Variants in CNOT10 observed in about 807,000 individuals in gnomAD.
The protein encoded by CNOT10 is CCR4-NOT transcription complex, subunit 10.
Under a neutral mutation model 94.6 loss-of-function variants are expected in CNOT10, and 30 were observed. The ratio of observed to expected loss-of-function variants is 0.32; its 90% confidence interval spans 0.24 to 0.43. The LOEUF is 0.43. Ranked by LOEUF, CNOT10 falls within the 20% of genes least tolerant of loss-of-function variation. The probability of loss-of-function intolerance (pLI) is 1.00; values close to 1 mark genes in which losing one functional copy is unlikely to be tolerated. For missense variants in CNOT10, 759 were observed against 877.2 expected, an observed-to-expected ratio of 0.87 and a Z score of 1.70; for synonymous variants, 289 against 301.6, an observed-to-expected ratio of 0.96 and a Z score of 0.43.
intron 13 of CNOT10, among the ~76,000 whole-genome samples, chr3:32,746,044 T>G (rs1559507082): frequency 6.6e-6 from 1 of 152,196 alleles, no homozygotes; most frequent in Non-Finnish European, 1.5e-5. Flanking sequence ...TCTCAAAACA[T>G]TTTCCTGTTT....
intron 2 of CNOT10, among the ~76,000 whole-genome samples, chr3:32,704,433 G>A (rs1239748586): frequency 6.6e-6 from 1 of 152,160 alleles, no homozygotes; most frequent in Admixed American, 6.5e-5. Context: ...GTGCATGTAA[G>A]CAGAAGAACT....
intron 9 of CNOT10, among the ~76,000 whole-genome samples, chr3:32,726,483 A>G (rs1213274452): frequency 6.6e-6 from 1 of 152,044 alleles, no homozygotes; most frequent in Non-Finnish European, 1.5e-5. Context: ...TCACGAGGTC[A>G]GGAGATCGAG....
At chr3:32,689,225 C>T (rs1696751815) in intron 1 of CNOT10, among the ~76,000 whole-genome samples, 1 of 151,940 alleles carries the variant, frequency 6.6e-6, no homozygotes, top group East Asian at 1.9e-4. Context: ...TGGTGGCAGA[C>T]GCCTGTATTC....
chr3:32,752,891 A>G (rs944773437), intron 13 of CNOT10: 14 of 354,310 alleles, frequency 4.0e-5, no homozygotes, highest in African/African-American at 3.0e-4. Context: ...CTCCGGCGGC[A>G]GCAGCAGTGA....
intron 1 of CNOT10, among the ~76,000 whole-genome samples, chr3:32,700,189 T>G (rs1256654636): frequency 2.6e-5 from 4 of 152,142 alleles, no homozygotes; most frequent in African/African-American, 7.2e-5. Flanking sequence ...TTGTCCAGGC[T>G]GGTCTTGAAC....
At chr3:32,727,288 G>A (rs1021026519) in intron 9 of CNOT10, among the ~76,000 whole-genome samples, 8 of 152,080 alleles carry the variant, frequency 5.3e-5, no homozygotes, top group African/African-American at 1.9e-4. Flanking sequence ...GGGCAACATA[G>A]TGAGACCCCC....
chr3:32,708,177 C>A (rs1697711779), intron 3 of CNOT10, among the ~76,000 whole-genome samples: 1 of 152,136 alleles, frequency 6.6e-6, no homozygotes, highest in African/African-American at 2.4e-5. Flanking sequence ...GGATTACAGG[C>A]ATGAGCTGCC....
At chr3:32,719,080 C>G (rs1300376615) in intron 7 of CNOT10, among the ~76,000 whole-genome samples, 4 of 152,128 alleles carry the variant, frequency 2.6e-5, no homozygotes, top group Non-Finnish European at 4.4e-5. Flanking sequence ...GAAACCCCAT[C>G]TCTACTAAAA....
At chr3:32,765,202 C>A in intron 17 of CNOT10, 1 of 317,752 alleles carries the variant, frequency 3.1e-6, no homozygotes, top group South Asian at 2.6e-5. Flanking sequence ...CCTGTAGTCC[C>A]AGCTACTCGG....
intron 3 of CNOT10, among the ~76,000 whole-genome samples, chr3:32,707,630 C>G (rs1278832461): frequency 1.3e-5 from 2 of 151,960 alleles, no homozygotes; most frequent in African/African-American, 4.8e-5. Context: ...ATGGTGAAAC[C>G]CCATCTCTAC....
At chr3:32,739,269 G>C (rs548116337) in intron 13 of CNOT10, among the ~76,000 whole-genome samples, 2 of 152,120 alleles carry the variant, frequency 1.3e-5, no homozygotes, top group Non-Finnish European at 2.9e-5. Context: ...AAGCAATCCT[G>C]CTAGCAATTT....
chr3:32,739,984 T>C (rs1699386448), intron 13 of CNOT10, among the ~76,000 whole-genome samples: 1 of 152,174 alleles, frequency 6.6e-6, no homozygotes, highest in South Asian at 2.1e-4. Context: ...TGGTTCCAGG[T>C]AGCTGGCAGG....
intron 9 of CNOT10, among the ~76,000 whole-genome samples, chr3:32,726,432 C>T (rs1186049367): frequency 3.3e-5 from 5 of 152,012 alleles, no homozygotes; most frequent in Non-Finnish European, 7.4e-5. Context: ...CGGTGGCTCA[C>T]GCCTGTAATC....
chr3:32,740,643 A>G (rs537588704), intron 13 of CNOT10, among the ~76,000 whole-genome samples: 42 of 152,052 alleles, frequency 2.8e-4, no homozygotes, highest in African/African-American at 1.0e-3. Context: ...CGGGTGGATC[A>G]CAAGGTCAGG....
At chr3:32,747,409 G>A (rs1263214355) in intron 13 of CNOT10, among the ~76,000 whole-genome samples, 5 of 152,028 alleles carry the variant, frequency 3.3e-5, no homozygotes, top group Non-Finnish European at 7.3e-5. Context: ...GGCAACAAGA[G>A]TGAAACTCCG....
chr3:32,761,145 T>C lies in CNOT10; in HGVS notation c.1709+1574T>C, dbSNP rs139813490. Among the ~76,000 whole-genome samples the C allele has an allele frequency of 5.0e-3, 768 of 152,090 alleles. 12 individuals are homozygous for C. The highest frequency in any genetic ancestry group is 0.018 in the African/African-American group (739 of 41,508). On this transcript the variant is annotated intron_variant, in intron 14 of 18. Transcript: ENST00000328834. ...CTCCATCTCAAAAAAAAGTAATAAA[T>C]CATTCAACTATATAAGAGACTTTGT... is the stretch of plus-strand genomic sequence containing the variant.
chr3:32,715,517 C>G (rs547476707), intron 5 of CNOT10, among the ~76,000 whole-genome samples: 2 of 152,184 alleles, frequency 1.3e-5, no homozygotes, highest in African/African-American at 4.8e-5. Context: ...CTAGAAAGTT[C>G]AAATTTGATA....
chr3:32,692,144 T>C (rs1696879834), intron 1 of CNOT10, among the ~76,000 whole-genome samples: 1 of 151,946 alleles, frequency 6.6e-6, no homozygotes, highest in South Asian at 2.1e-4. Flanking sequence ...GGTGGATTGC[T>C]TGAACCTAGG....
chr3:32,747,687 C>T (rs960583599), intron 13 of CNOT10, among the ~76,000 whole-genome samples: 13 of 151,948 alleles, frequency 8.6e-5, no homozygotes, highest in Admixed American at 2.0e-4. Flanking sequence ...CGGTGGCTCA[C>T]GCCTGTAATC....
Sources: gnomAD v4.1 joint callset for allele counts (sites outside exome capture counted in the v4.1 genomes callset) on GRCh38, gnomAD v4.1.1 for gene constraint, MANE v1.5 for transcripts, NCBI Gene and HGNC (gene_info 2026-07-23, HGNC 2026-07-21) for gene names.